Variants in RASGRF2 observed in about 807,000 individuals in gnomAD.
RASGRF2 encodes the protein ras-specific guanine nucleotide-releasing factor 2.
A neutral mutation model predicts 151.0 loss-of-function variants in RASGRF2; 76 were observed. The ratio of observed to expected loss-of-function variants is 0.50; its 90% CI spans 0.42 to 0.61. RASGRF2 has a LOEUF of 0.61. Ranked by LOEUF, RASGRF2 falls within the 20% of genes least tolerant of loss-of-function variation. The pLI is 0.00. For synonymous variants in RASGRF2, 504 were observed against 566.5 expected (o/e 0.89, Z 1.57); for missense variants, 1,148 against 1,564.6 (o/e 0.73, Z 4.49).
At chr5:81,045,398 A>C (rs917334096) in intron 2 of RASGRF2, among the ~76,000 whole-genome samples, 1 of 152,208 alleles carries the variant, frequency 6.6e-6, no homozygotes, top group Non-Finnish European at 1.5e-5. Flanking sequence ...ATTCCAAGTA[A>C]GAAATCTTTT....
At chr5:81,069,983 G>C (rs1052474198) in intron 3 of RASGRF2, 2 of 155,240 alleles carry the variant, frequency 1.3e-5, no homozygotes, top group Admixed American at 1.3e-4. Flanking sequence ...TGGTTGGCTT[G>C]GACCAGCCCC....
intron 18 of RASGRF2, among the ~76,000 whole-genome samples, chr5:81,191,595 CTCTGGTCTTTGTCATTTTCTTGA>C (rs1755153673): frequency 6.6e-6 from 1 of 152,006 alleles, no homozygotes; most frequent in South Asian, 2.1e-4. Flanking sequence ...TTCATTTTCC[CTCTGGTCTTTGTCATTTTCTTGA>C]AAATGACAAT....
chr5:81,112,495 C>A, intron 13 of RASGRF2, 115 bp from the exon 14 acceptor site: 1 of 1,356,772 alleles, frequency 7.4e-7, no homozygotes, highest in Non-Finnish European at 1.0e-6. Context: ...TCTCTCCTAT[C>A]AAATGCAGTG....
intron 1 of RASGRF2, among the ~76,000 whole-genome samples, chr5:80,966,730 A>G (rs926961475): frequency 3.0e-4 from 46 of 152,234 alleles, no homozygotes; most frequent in African/African-American, 9.6e-4. Flanking sequence ...TGCAAAAAGC[A>G]CATGGACTCA....
chr5:81,036,988 GGGGTAGCCTCACAATCAT>G (rs1387345000), intron 1 of RASGRF2, among the ~76,000 whole-genome samples: 9 of 152,162 alleles, frequency 5.9e-5, no homozygotes, highest in Admixed American at 3.3e-4. Context: ...CCATGTGTCT[GGGGTAGCCTCACAATCAT>G]GGCAGAAGAT....
At chr5:81,064,185 G>T (rs974507545) in intron 2 of RASGRF2, among the ~76,000 whole-genome samples, 3 of 152,162 alleles carry the variant, frequency 2.0e-5, no homozygotes, top group African/African-American at 4.8e-5. Flanking sequence ...TCTGCTGTTG[G>T]CTAGGTTCGC....
intron 17 of RASGRF2, among the ~76,000 whole-genome samples, chr5:81,179,510 A>G (rs1379999928): frequency 2.0e-5 from 3 of 152,206 alleles, no homozygotes; most frequent in South Asian, 2.1e-4. Flanking sequence ...TTGACAAATA[A>G]TGATTGTAGA....
chr5:81,187,760 G>A (rs1755062752), intron 18 of RASGRF2, among the ~76,000 whole-genome samples: 1 of 152,158 alleles, frequency 6.6e-6, no homozygotes, highest in Admixed American at 6.5e-5. Context: ...GTGTGCTCAA[G>A]GTCTCAGGGA....
At chr5:81,128,041 G>A (rs370159167) in intron 17 of RASGRF2, among the ~76,000 whole-genome samples, 3 of 151,774 alleles carry the variant, frequency 2.0e-5, no homozygotes, top group African/African-American at 7.3e-5. Context: ...GGCACAGAAC[G>A]GCAGATACTG....
At chr5:81,153,082 A>G (rs894763778) in intron 17 of RASGRF2, among the ~76,000 whole-genome samples, 2 of 152,284 alleles carry the variant, frequency 1.3e-5, no homozygotes, top group Admixed American at 6.5e-5. Flanking sequence ...ATGGTACATT[A>G]TGAAATATTT....
intron 3 of RASGRF2, among the ~76,000 whole-genome samples, chr5:81,069,120 C>A (rs1236874870): frequency 2.0e-5 from 3 of 152,170 alleles, no homozygotes; most frequent in African/African-American, 7.2e-5. Context: ...ACAACATTTT[C>A]CTTTTTGTGT....
At chr5:81,074,836 G>A (rs923745926) in intron 5 of RASGRF2, among the ~76,000 whole-genome samples, 4 of 152,184 alleles carry the variant, frequency 2.6e-5, no homozygotes, top group African/African-American at 7.2e-5. Flanking sequence ...GGAGCTGTGC[G>A]TGCAGGGGAC....
intron 26 of RASGRF2, among the ~76,000 whole-genome samples, chr5:81,224,061 GACA>G (rs1755919617): frequency 6.6e-6 from 1 of 152,054 alleles, no homozygotes; most frequent in South Asian, 2.1e-4. Flanking sequence ...TAGACAATGA[GACA>G]ACATTTGCAA....
At chr5:81,084,244 T>G (rs1752164647) in intron 7 of RASGRF2, among the ~76,000 whole-genome samples, 1 of 152,236 alleles carries the variant, frequency 6.6e-6, no homozygotes, top group African/African-American at 2.4e-5. Context: ...ACCTGTCCTG[T>G]TTGCTATGAA....
intron 1 of RASGRF2, among the ~76,000 whole-genome samples, chr5:81,021,165 T>C (rs537625641): frequency 3.9e-5 from 6 of 152,294 alleles, no homozygotes; most frequent in Non-Finnish European, 7.3e-5. Context: ...TTGCAGCCTA[T>C]GTAAGATTTG....
chr5:81,071,380 G>A (rs1751768918), intron 4 of RASGRF2, among the ~76,000 whole-genome samples: 1 of 152,136 alleles, frequency 6.6e-6, no homozygotes, highest in Admixed American at 6.5e-5. Flanking sequence ...AAGATGATCA[G>A]CAAATGTTTG....
At chr5:81,003,475 G>A (rs752417652) in intron 1 of RASGRF2, among the ~76,000 whole-genome samples, 5 of 150,410 alleles carry the variant, frequency 3.3e-5, no homozygotes, top group African/African-American at 1.0e-4. Flanking sequence ...TGCCCGCCTT[G>A]GCCTCCCAAA....
At chr5:81,106,442 C>T (rs1411747010) in intron 12 of RASGRF2, among the ~76,000 whole-genome samples, 3 of 152,120 alleles carry the variant, frequency 2.0e-5, no homozygotes, top group Non-Finnish European at 2.9e-5. Context: ...GATCTTTCAG[C>T]GTAAGTGAGC....
intron 17 of RASGRF2, among the ~76,000 whole-genome samples, chr5:81,151,610 G>C (rs1453344819): frequency 6.6e-6 from 1 of 152,132 alleles, no homozygotes; most frequent in Non-Finnish European, 1.5e-5. Context: ...CCTCCAAGAT[G>C]CTCGAATACT....
Sources: gnomAD v4.1 joint callset for allele counts (sites outside exome capture counted in the v4.1 genomes callset) on GRCh38, gnomAD v4.1.1 for gene constraint, MANE v1.5 for transcripts, NCBI Gene and HGNC (gene_info 2026-07-23, HGNC 2026-07-21) for gene names.